TMEM150C: variants seen among roughly 807,000 people sequenced by gnomAD.
The protein encoded by TMEM150C is tentonin 3.
Under a neutral mutation model 29.9 loss-of-function variants are expected in TMEM150C, and 10 were observed. The observed-to-expected ratio is 0.33, with a 90% confidence interval of 0.21 to 0.57. The LOEUF (loss-of-function observed/expected upper bound fraction) is 0.57. Among genes scored for constraint, TMEM150C ranks in the 20% least tolerant of loss-of-function variants. The pLI is 0.88. For synonymous variants in TMEM150C, 101 were observed against 112.5 expected, an observed-to-expected ratio of 0.90 and a Z score of 0.64; for missense variants, 251 against 303.6, an observed-to-expected ratio of 0.83 and a Z score of 1.29.
At chr4:82,561,032 G>A (rs1479439886) in intron 1 of TMEM150C, among the ~76,000 whole-genome samples, 8 of 152,164 alleles carry the variant, frequency 5.3e-5, no homozygotes, top group Non-Finnish European at 1.5e-5. Flanking sequence ...GAATAAACCT[G>A]ACCAAAAAGA....
intron 6 of TMEM150C, 129 bp downstream of exon 6, chr4:82,495,939 A>T: frequency 8.3e-7 from 1 of 1,211,824 alleles, no homozygotes; most frequent in Non-Finnish European, 1.2e-6. Context: ...AAAGAGTCCT[A>T]GTTTTTAAAA....
At chr4:82,505,342 C>A (rs957657551) in intron 1 of TMEM150C, among the ~76,000 whole-genome samples, 1 of 151,998 alleles carries the variant, frequency 6.6e-6, no homozygotes, top group South Asian at 2.1e-4. Flanking sequence ...CCACAGTGCC[C>A]GGCCAGAAAA....
At chr4:82,522,119 A>G (rs1476127425) in intron 1 of TMEM150C, among the ~76,000 whole-genome samples, 1 of 152,194 alleles carries the variant, frequency 6.6e-6, no homozygotes, top group Non-Finnish European at 1.5e-5. Context: ...CAAAACCATA[A>G]AAACATGGGA....
intron 1 of TMEM150C, among the ~76,000 whole-genome samples, chr4:82,533,296 C>T (rs538903687): frequency 1.3e-5 from 2 of 152,132 alleles, no homozygotes; most frequent in African/African-American, 4.8e-5. Flanking sequence ...TATCCTTTAA[C>T]AGTTGCAAAC....
At position 82,522,141 on chromosome 4, in the gene TMEM150C, G is replaced by T. The variant is rs186627194; in HGVS notation, c.-10-17474C>A. Among the ~76,000 whole-genome samples the T allele has an allele frequency of 2.0e-5, 3 of 152,244 alleles. No homozygotes were observed. In the East Asian group the frequency reaches 5.8e-4, roughly 29 times the overall value. The stretch of plus-strand genomic sequence containing the variant: ...ATAAAAACATGGGAGGTAGAAACAG[G>T]TTAGGAGGCTACAGGAAGAACTACC... On this transcript the variant is annotated intron_variant, in intron 1 of 7. Transcript: ENST00000449862.
intron 1 of TMEM150C, among the ~76,000 whole-genome samples, chr4:82,540,752 T>C (rs979597434): frequency 6.6e-6 from 1 of 152,238 alleles, no homozygotes; most frequent in African/African-American, 2.4e-5. Context: ...ACATGATGTT[T>C]TGATATATGT....
intron 1 of TMEM150C, among the ~76,000 whole-genome samples, chr4:82,508,625 C>T (rs1724016526): frequency 6.6e-6 from 1 of 152,078 alleles, no homozygotes. Context: ...GCCACCACAC[C>T]CGGCTAATTT....
intron 7 of TMEM150C, 92 bp from the exon 8 acceptor site, chr4:82,485,811 C>G: frequency 8.5e-7 from 1 of 1,179,668 alleles, no homozygotes; most frequent in Non-Finnish European, 1.2e-6. Context: ...AAAAGTCTGG[C>G]TTTCCTCATC....
chr4:82,547,612 G>T (rs1027738654), intron 1 of TMEM150C, among the ~76,000 whole-genome samples: 1 of 151,760 alleles, frequency 6.6e-6, no homozygotes, highest in Non-Finnish European at 1.5e-5. Context: ...AGAAAAAAAA[G>T]GTTTAATCAC....
At chr4:82,545,739 G>A (rs1725360120) in intron 1 of TMEM150C, among the ~76,000 whole-genome samples, 1 of 152,090 alleles carries the variant, frequency 6.6e-6, no homozygotes, top group Non-Finnish European at 1.5e-5. Context: ...AGAACAGCCT[G>A]GCCAACATGG....
intron 1 of TMEM150C, among the ~76,000 whole-genome samples, chr4:82,524,024 CAAG>C (rs1724573147): frequency 6.8e-6 from 1 of 147,486 alleles, no homozygotes; most frequent in Non-Finnish European, 1.5e-5. Context: ...TTTGGGAGGC[CAAG>C]AAGGGCAGAT....
chr4:82,530,944 C>A (rs113266908), intron 1 of TMEM150C, among the ~76,000 whole-genome samples: 6,811 of 152,182 alleles, frequency 0.045, 508 homozygotes, highest in African/African-American at 0.16. Context: ...TAACTCTATC[C>A]TGAGACAGCA....
At chr4:82,525,142 C>T (rs571472752) in intron 1 of TMEM150C, among the ~76,000 whole-genome samples, 51 of 152,212 alleles carry the variant, frequency 3.4e-4, no homozygotes, top group African/African-American at 9.6e-4. Context: ...TTCTTGCAAA[C>T]GCAGCTGAGA....
At chr4:82,547,624 A>G (rs959599517) in intron 1 of TMEM150C, among the ~76,000 whole-genome samples, 1 of 152,188 alleles carries the variant, frequency 6.6e-6, no homozygotes, top group Non-Finnish European at 1.5e-5. Context: ...TTTAATCACC[A>G]GAGAAATGCA....
intron 2 of TMEM150C, among the ~76,000 whole-genome samples, chr4:82,504,236 C>G (rs1251362569): frequency 1.3e-5 from 2 of 152,162 alleles, no homozygotes; most frequent in Admixed American, 1.3e-4. Flanking sequence ...GACAGTCTTG[C>G]TCTCTTGCCC....
intron 7 of TMEM150C, among the ~76,000 whole-genome samples, chr4:82,487,540 CTTAAA>C (rs1375267249): frequency 4.6e-5 from 7 of 152,200 alleles, no homozygotes; most frequent in Non-Finnish European, 1.5e-5. Flanking sequence ...TAACTTATTA[CTTAAA>C]TTAATGGAGA....
intron 1 of TMEM150C, among the ~76,000 whole-genome samples, chr4:82,559,081 G>A (rs1725834734): frequency 6.6e-6 from 1 of 152,052 alleles, no homozygotes; most frequent in Non-Finnish European, 1.5e-5. Flanking sequence ...CCCCCTGCCT[G>A]CAAAACATTG....
At chr4:82,505,033 A>G (rs1337385267) in intron 1 of TMEM150C, among the ~76,000 whole-genome samples, 1 of 152,162 alleles carries the variant, frequency 6.6e-6, no homozygotes, top group Non-Finnish European at 1.5e-5. Flanking sequence ...GTCTCAAAAC[A>G]AACAAAAAAG....
At chr4:82,495,330 A>T (rs1179912621) in intron 6 of TMEM150C, 1 of 211,664 alleles carries the variant, frequency 4.7e-6, no homozygotes, top group Non-Finnish European at 9.4e-6. Flanking sequence ...GGTCCCAGCT[A>T]CTCAGGAGGC....
Sources: gnomAD v4.1 joint callset for allele counts (sites outside exome capture counted in the v4.1 genomes callset) on GRCh38, gnomAD v4.1.1 for gene constraint, MANE v1.5 for transcripts, NCBI Gene and HGNC (gene_info 2026-07-23, HGNC 2026-07-21) for gene names.